XPR1: variants seen among roughly 807,000 people sequenced by gnomAD.
XPR1 encodes the protein solute carrier family 53 member 1.
XPR1 carries 28 observed loss-of-function variants against 87.5 expected under a neutral mutation model. That is an observed-to-expected ratio of 0.32 (90% CI 0.24 to 0.44). The LOEUF (loss-of-function observed/expected upper bound fraction) is 0.44. XPR1 is among the 20% of genes least tolerant of loss of function. The probability of loss-of-function intolerance (pLI) is 1.00; values close to 1 mark genes in which losing one functional copy is unlikely to be tolerated. For missense variants in XPR1, 559 were observed against 862.3 expected (o/e 0.65, Z 4.41); for synonymous variants, 300 against 306.1 (o/e 0.98, Z 0.21).
chr1:180,767,545 C>CA (rs530938360), intron 2 of XPR1, among the ~76,000 whole-genome samples: 62 of 150,520 alleles, frequency 4.1e-4, no homozygotes, highest in Non-Finnish European at 7.5e-4. Context: ...TCTAAAGTAG[C>CA]AAAAAAAAGT....
intron 11 of XPR1, among the ~76,000 whole-genome samples, chr1:180,848,743 A>G (rs1651771752): frequency 6.6e-6 from 1 of 152,164 alleles, no homozygotes; most frequent in South Asian, 2.1e-4. Context: ...GAACCTCCAT[A>G]CTGCTCTCCA....
intron 11 of XPR1, among the ~76,000 whole-genome samples, chr1:180,859,157 A>C (rs893208904): frequency 1.8e-4 from 27 of 152,192 alleles, no homozygotes; most frequent in Admixed American, 1.8e-3. Context: ...AATTTTTCTG[A>C]TTTCTCTCTT....
chr1:180,808,763 G>A (rs1164702924), intron 6 of XPR1, among the ~76,000 whole-genome samples: 1 of 152,130 alleles, frequency 6.6e-6, no homozygotes, highest in Non-Finnish European at 1.5e-5. Flanking sequence ...TTGTCTGTTA[G>A]AATGATTAAA....
At chr1:180,774,348 A>G (rs1336008219) in intron 2 of XPR1, among the ~76,000 whole-genome samples, 4 of 151,282 alleles carry the variant, frequency 2.6e-5, no homozygotes, top group Admixed American at 2.6e-4. Context: ...GGATTTTTTA[A>G]TACTTTTTTT....
rs1024484660 is a variant in XPR1, at chr1:180,889,560, G to A, written c.*5494G>A. 6.6e-6 allele frequency: 1 copy of A among 152,244 alleles called. No individual in the cohort carries two copies. Among genetic ancestry groups the A allele is most frequent in the African/African-American group, 2.4e-5 (1 of 41,466 alleles). The allele number at this position is 152,244 out of a possible 1,614,324, so 9.4% of individuals were successfully genotyped here. A position where few individuals can be genotyped will look rare whatever the true frequency, so the allele number is the denominator to read the frequency against. On this transcript the variant is annotated 3_prime_UTR_variant, in exon 15 of 15. Transcript: ENST00000367590. ...CAGCATGGTGGGAATTGGAGGGAAA[G>A]ATTGTGGAAAATCCCTAAAGGGTCA... is the stretch of plus-strand genomic sequence containing the variant.
chr1:180,674,963 G>GC (rs1656317017), intron 1 of XPR1, among the ~76,000 whole-genome samples: 1 of 152,140 alleles, frequency 6.6e-6, no homozygotes, highest in African/African-American at 2.4e-5. Flanking sequence ...AATGTTGGTT[G>GC]AATATTATTG....
intron 2 of XPR1, among the ~76,000 whole-genome samples, chr1:180,737,026 A>G (rs1457641219): frequency 6.6e-6 from 1 of 152,248 alleles, no homozygotes; most frequent in Non-Finnish European, 1.5e-5. Flanking sequence ...AAGGTAAAAC[A>G]TGCATCTGGT....
rs11324246 is a variant in XPR1 at position 180,827,153 on chromosome 1, C to CAAAAAAAAAAAAA, written c.1134+1821_1134+1833dup. Among the ~76,000 whole-genome samples the CAAAAAAAAAAAAA allele has an allele frequency of 2.0e-3, 136 of 66,896 alleles. 4 individuals carry two copies. Among genetic ancestry groups the CAAAAAAAAAAAAA allele is most frequent in the African/African-American group, 7.9e-3 (129 of 16,352 alleles). 43.9% of individuals were successfully genotyped at this position (66,896 alleles called of 152,430 possible). A position where few individuals can be genotyped will look rare whatever the true frequency, so the allele number is the denominator to read the frequency against. ...TGGACGACAGAGTGAGACTCCTTCT[C>CAAAAAAAAAAAAA]AAAAAAAAAAAAAAAAAAAAAAAAG... On this transcript the variant is annotated intron_variant, in intron 9 of 14. Coordinates refer to ENST00000367590, the MANE Select transcript of XPR1 (RefSeq NM_004736.4).
Position 180,811,345 on chromosome 1 carries a change from A to C in XPR1, c.682-62A>C, listed in dbSNP as rs967101424. On this transcript the variant is annotated intron_variant, in intron 6 of 14. Transcript: ENST00000367590. ...GAGACTCATTCTACTATTTTATTAC[A>C]GCATATAGTAAATACAATCAGTGTT... 4 of 1,285,840 alleles carry C rather than the reference A, an allele frequency of 3.1e-6. No homozygotes were observed. The African/African-American group carries it at 5.9e-5, about 19-fold the overall frequency. The allele number at this position is 1,285,840 out of a possible 1,614,324, so 79.7% of individuals were successfully genotyped here.
chr1:180,634,540 A>G (rs1006226497), intron 1 of XPR1, among the ~76,000 whole-genome samples: 64 of 152,168 alleles, frequency 4.2e-4, no homozygotes, highest in Admixed American at 3.6e-3. Flanking sequence ...ATCCATAAAA[A>G]TTCTCTAGAG....
At chr1:180,874,096 T>A in intron 13 of XPR1, 154 bp downstream of exon 13, 1 of 953,026 alleles carries the variant, frequency 1.0e-6, no homozygotes. Context: ...TGGAAAACCA[T>A]GTTGGCCAGG....
intron 1 of XPR1, among the ~76,000 whole-genome samples, chr1:180,653,075 T>C (rs1655346152): frequency 6.6e-6 from 1 of 152,180 alleles, no homozygotes; most frequent in Admixed American, 6.5e-5. Flanking sequence ...TTGAATTTTT[T>C]CATGGCTAGC....
At chr1:180,709,317 ATATATT>A in intron 2 of XPR1, among the ~76,000 whole-genome samples, 1 of 152,342 alleles carries the variant, frequency 6.6e-6, no homozygotes, top group South Asian at 2.1e-4. Flanking sequence ...AATAAACTGT[ATATATT>A]TAAAGTGTGC....
At chr1:180,788,355 AT>A (rs1649257210) in intron 3 of XPR1, among the ~76,000 whole-genome samples, 2 of 152,182 alleles carry the variant, frequency 1.3e-5, no homozygotes, top group Admixed American at 6.5e-5. Context: ...TTTGAACTTT[AT>A]TTTTTGTACA....
intron 12 of XPR1, 44 bp downstream of exon 12, chr1:180,863,918 A>G (rs1253691721): frequency 6.6e-7 from 1 of 1,507,350 alleles, no homozygotes; most frequent in African/African-American, 1.4e-5. Context: ...AAACTTAGGT[A>G]TACCACTAGC....
intron 7 of XPR1, among the ~76,000 whole-genome samples, chr1:180,820,761 A>C (rs1650599222): frequency 6.6e-6 from 1 of 152,188 alleles, no homozygotes; most frequent in South Asian, 2.1e-4. Flanking sequence ...ATATCCATAC[A>C]AATGGGCGTG....
intron 2 of XPR1, among the ~76,000 whole-genome samples, chr1:180,733,603 A>G (rs1014231382): frequency 6.6e-6 from 1 of 152,236 alleles, no homozygotes; most frequent in African/African-American, 2.4e-5. Flanking sequence ...GAAACAAGGA[A>G]GACAGTTCAG....
intron 2 of XPR1, among the ~76,000 whole-genome samples, chr1:180,739,401 TTATTTTGCCTTTA>T (rs1264208655): frequency 1.4e-4 from 22 of 152,354 alleles, no homozygotes; most frequent in Admixed American, 9.1e-4. Context: ...GTTATTCTAG[TTATTTTGCCTTTA>T]TATTTTGCCT....
At chr1:180,807,803 A>C (rs1184958781) in intron 6 of XPR1, among the ~76,000 whole-genome samples, 2 of 152,128 alleles carry the variant, frequency 1.3e-5, no homozygotes, top group African/African-American at 4.8e-5. Flanking sequence ...CCAGGAGTTC[A>C]AGACCAGCCT....
Sources: gnomAD v4.1 joint callset for allele counts (sites outside exome capture counted in the v4.1 genomes callset) on GRCh38, gnomAD v4.1.1 for gene constraint, MANE v1.5 for transcripts, NCBI Gene and HGNC (gene_info 2026-07-23, HGNC 2026-07-21) for gene names.